Variants in UGCG observed in about 807,000 individuals in gnomAD.
The protein encoded by UGCG is UDP-glucose ceramide glucosyltransferase, also known as ceramide glucosyltransferase.
In UGCG, 10 loss-of-function variants were observed where a neutral mutation model predicts 49.5. The ratio of observed to expected loss-of-function variants is 0.20; its 90% confidence interval spans 0.12 to 0.34. The LOEUF is 0.34. UGCG is among the 10% of genes least tolerant of loss of function. UGCG has a pLI of 1.00. For missense variants in UGCG, 312 were observed against 483.7 expected, an observed-to-expected ratio of 0.65 and a Z score of 3.33; for synonymous variants, 182 against 158.2, an observed-to-expected ratio of 1.15 and a Z score of -1.13.
rs1388940509 is a variant in UGCG at position 111,924,312 on chromosome 9, C to T, written c.344-465C>T. Among the ~76,000 whole-genome samples, 3 of 152,104 alleles carry T rather than the reference C, an allele frequency of 2.0e-5. No individual in the cohort carries two copies. In the East Asian group the frequency reaches 5.8e-4, roughly 29 times the overall value. Reference sequence around the variant, plus strand: ...GGAATAGCTAAATTAAGTTAATTAACATATGCATTACCACACATATTTATT... The same window carrying T: ...GGAATAGCTAAATTAAGTTAATTAATATATGCATTACCACACATATTTATT... On this transcript the variant is annotated intron_variant, in intron 3 of 8. Transcript: ENST00000374279.
intron 2 of UGCG, among the ~76,000 whole-genome samples, chr9:111,921,965 C>T (rs370865404): frequency 2.0e-5 from 3 of 151,714 alleles, no homozygotes; most frequent in African/African-American, 7.3e-5. Context: ...GCATGCCTCA[C>T]CATGCCCAGC....
At position 111,897,309 on chromosome 9, in the gene UGCG, T is replaced by G; in HGVS notation, c.94T>G (p.Tyr32Asp). Residue 32 changes from tyrosine (Y) to aspartate (D), a missense_variant, in exon 1 of 9, where the codon TAC becomes GAC. Tyr to Asp is a radical substitution (Grantham distance 160, BLOSUM62 -3). Transcript: ENST00000374279. ...LWLMHFMAIIYTRLHLNKKAT... is the reference protein window; with the variant it reads ...LWLMHFMAIIDTRLHLNKKAT... The stretch of plus-strand genomic sequence containing the variant: ...GCTGATGCATTTCATGGCTATCATC[T>G]ACACGTGAGTGAGGGACCGCAGGAG... The G allele has an allele frequency of 6.4e-7, 1 of 1,554,792 alleles. No individual in the cohort carries two copies. Among genetic ancestry groups the G allele is most frequent in the Non-Finnish European group, 8.7e-7 (1 of 1,149,796 alleles).
rs1267194929 is a variant in UGCG, at chr9:111,922,952, G to T, written c.343+1G>T. ...AATGTTGATGCTAGATTGTTTATAG[G>T]TAAGTAACAAATTCTGTAGTAACCA... On this transcript the variant is annotated splice_donor_variant, in intron 3 of 8. Transcript: ENST00000374279. LOFTEE classifies it high-confidence loss of function. The T allele has an allele frequency of 1.9e-6, 3 of 1,595,594 alleles. No individual in the cohort carries two copies.
intron 2 of UGCG, chr9:111,914,998 C>T (rs1200972285): frequency 8.1e-6 from 3 of 369,440 alleles, no homozygotes; most frequent in Non-Finnish European, 9.5e-6. Context: ...TTCTGAAACT[C>T]AGACATTGTC....
chr9:111,902,500 G>A (rs1421272702), intron 1 of UGCG, among the ~76,000 whole-genome samples: 3 of 152,218 alleles, frequency 2.0e-5, no homozygotes, highest in Non-Finnish European at 4.4e-5. Context: ...ATAGTCATGA[G>A]TGATAACAAT....
chr9:111,907,628 C>CTTTTT (rs11398860), intron 1 of UGCG, among the ~76,000 whole-genome samples: 99 of 139,818 alleles, frequency 7.1e-4, no homozygotes, highest in African/African-American at 2.4e-3. Flanking sequence ...CATTTTCTTT[C>CTTTTT]TTTTTTTTTT....
chr9:111,901,597 G>T (rs187429925), intron 1 of UGCG, among the ~76,000 whole-genome samples: 14 of 152,274 alleles, frequency 9.2e-5, no homozygotes, highest in African/African-American at 3.1e-4. Flanking sequence ...TAATACCTCG[G>T]TGATGGGATG....
intron 1 of UGCG, among the ~76,000 whole-genome samples, chr9:111,912,494 A>G (rs1164349416): frequency 2.0e-5 from 3 of 151,864 alleles, no homozygotes; most frequent in Non-Finnish European, 2.9e-5. Flanking sequence ...CAGGGGAATC[A>G]TTTGAACCCG....
chr9:111,935,100 C>A lies in UGCG; in HGVS notation c.*2103C>A, dbSNP rs890918201. On this transcript the variant is annotated 3_prime_UTR_variant, in exon 9 of 9. Coordinates refer to ENST00000374279, the MANE Select transcript of UGCG (RefSeq NM_003358.3). ...TTTGTAAATATAAACTAGGACAGTTCTGTAGGTTTGTTCAGTGTGCTAGTG... is the reference window on the plus strand; with the variant it reads ...TTTGTAAATATAAACTAGGACAGTTATGTAGGTTTGTTCAGTGTGCTAGTG... 1 of 152,128 alleles carries A rather than the reference C, an allele frequency of 6.6e-6. No homozygotes were observed. Among genetic ancestry groups the A allele is most frequent in the African/African-American group, 2.4e-5 (1 of 41,422 alleles). The allele number at this position is 152,128 out of a possible 1,614,324, so 9.4% of individuals were successfully genotyped here. A position where few individuals can be genotyped will look rare whatever the true frequency, so the allele number is the denominator to read the frequency against.
chr9:111,928,269 C>T (rs1169448526), intron 5 of UGCG, among the ~76,000 whole-genome samples: 2 of 152,018 alleles, frequency 1.3e-5, no homozygotes, highest in African/African-American at 4.8e-5. Context: ...TCTTAAATAC[C>T]AGAATTTTTG....
chr9:111,919,011 AT>A (rs1364808811), intron 2 of UGCG, among the ~76,000 whole-genome samples: 2 of 151,990 alleles, frequency 1.3e-5, no homozygotes, highest in Admixed American at 1.3e-4. Flanking sequence ...TCCCTTACTT[AT>A]AACCTCCCTA....
intron 1 of UGCG, among the ~76,000 whole-genome samples, chr9:111,901,993 G>A (rs1275209368): frequency 6.6e-6 from 1 of 152,198 alleles, no homozygotes; most frequent in Non-Finnish European, 1.5e-5. Flanking sequence ...ACTCCTTAAT[G>A]AGACAAGCAC....
rs1247344238 is a variant in UGCG, at chr9:111,933,787, G to C, written c.*790G>C. Reference sequence around the variant, plus strand: ...ATTGTTAATCACTGTGCTGTAATTAGTATAGCTAAATCTTTTCCTTCCTTG... The same window carrying C: ...ATTGTTAATCACTGTGCTGTAATTACTATAGCTAAATCTTTTCCTTCCTTG... On this transcript the variant is annotated 3_prime_UTR_variant, in exon 9 of 9. Transcript: ENST00000374279. 2.0e-5 allele frequency: 3 copies of C among 152,122 alleles called. No homozygotes were observed. Among genetic ancestry groups the C allele is most frequent in the Admixed American group, 2.0e-4 (3 of 15,280 alleles). 9.4% of individuals were successfully genotyped at this position (152,122 alleles called of 1,614,324 possible).
intron 5 of UGCG, 199 bp from the exon 6 acceptor site, chr9:111,929,301 G>T: frequency 3.8e-5 from 16 of 419,358 alleles, no homozygotes; most frequent in South Asian, 5.8e-5. Flanking sequence ...GTTTTATTTG[G>T]ATGCATTTTT....
At chr9:111,904,838 G>A (rs150519602) in intron 1 of UGCG, among the ~76,000 whole-genome samples, 2,298 of 152,166 alleles carry the variant, frequency 0.015, 64 homozygotes, top group African/African-American at 0.052. Context: ...CTCCAGCCTG[G>A]GCAACAAGAG....
rs1838423698 is a variant in UGCG at position 111,931,495 on chromosome 9, A to G, written c.824+138A>G. 7.1e-6 allele frequency: 5 copies of G among 699,514 alleles called. No individual in the cohort carries two copies. The South Asian group carries it at 1.0e-4, about 14-fold the overall frequency. The allele number at this position is 699,514 out of a possible 1,614,324, so 43.3% of individuals were successfully genotyped here. A position where few individuals can be genotyped will look rare whatever the true frequency, so the allele number is the denominator to read the frequency against. On this transcript the variant is annotated intron_variant, in intron 7 of 8. Coordinates refer to ENST00000374279, the MANE Select transcript of UGCG (RefSeq NM_003358.3). ...TGTTTAGTTGCAGAAAATAGAGTTT[A>G]ACGTCTGTGTTTAAGATAAATTTAA...
chr9:111,929,461 T>G, intron 5 of UGCG, 39 bp from the exon 6 acceptor site: 9 of 1,574,732 alleles, frequency 5.7e-6, no homozygotes, highest in African/African-American at 1.4e-5. Context: ...GCTTTTAACA[T>G]GAAATTCTAA....
rs545862245 is a variant in UGCG, at chr9:111,897,075, AC to A, written c.-135del. 45 of 131,134 alleles carry A rather than the reference AC, an allele frequency of 3.4e-4. 1 individual carries two copies. The Admixed American group carries it at 3.6e-3, about 10-fold the overall frequency. 8.1% of individuals were successfully genotyped at this position (131,134 alleles called of 1,614,324 possible). A position where few individuals can be genotyped will look rare whatever the true frequency, so the allele number is the denominator to read the frequency against. The stretch of plus-strand genomic sequence containing the variant: ...GGCCCTGCCCGCCCCTTCCGTCCCC[AC>A]CCCCCTCCGCCCTTTCCTCTCCCCA... On this transcript the variant is annotated 5_prime_UTR_variant, in exon 1 of 9. Coordinates refer to ENST00000374279, the MANE Select transcript of UGCG (RefSeq NM_003358.3).
chr9:111,911,725 C>T (rs535438328), intron 1 of UGCG, among the ~76,000 whole-genome samples: 172 of 151,386 alleles, frequency 1.1e-3, no homozygotes, highest in Non-Finnish European at 1.8e-3. Context: ...TAGTGAGACC[C>T]CATCTCCATA....
Sources: gnomAD v4.1 joint callset for allele counts (sites outside exome capture counted in the v4.1 genomes callset) on GRCh38, gnomAD v4.1.1 for gene constraint, MANE v1.5 for transcripts, NCBI Gene and HGNC (gene_info 2026-07-23, HGNC 2026-07-21) for gene names.